The following DMD variants were observed in gnomAD, a reference collection of about 807,000 sequenced individuals.
The protein encoded by DMD is mutant dystrophin.
DMD carries 63 observed loss-of-function variants against 330.1 expected under a neutral mutation model. The ratio of observed to expected loss-of-function variants is 0.19; its 90% CI spans 0.16 to 0.24. The LOEUF (loss-of-function observed/expected upper bound fraction) is 0.24. DMD is among the 10% of genes least tolerant of loss of function. The pLI is 1.00. For missense variants in DMD, 3,344 were observed against 2,684.1 expected, an observed-to-expected ratio of 1.25 and a Z score of -5.43; for synonymous variants, 1,223 against 959.8, an observed-to-expected ratio of 1.27 and a Z score of -5.07.
At chrX:32,289,525 CA>C (rs1317917054) in intron 42 of DMD, among the ~76,000 whole-genome samples, 2 of 110,828 alleles carry the variant, frequency 1.8e-5, no homozygotes, top group Non-Finnish European at 3.8e-5. Flanking sequence ...TTCTTAGTCA[CA>C]GGATGAGATA....
intron 5 of DMD, among the ~76,000 whole-genome samples, chrX:32,819,411 T>G (rs2078035664): frequency 9.0e-6 from 1 of 111,256 alleles, no homozygotes; most frequent in East Asian, 2.8e-4. Context: ...TAGCAAGATT[T>G]GTTATTACAA....
intron 41 of DMD, among the ~76,000 whole-genome samples, chrX:32,335,991 CGTG>C (rs2097711122): frequency 6.4e-5 from 2 of 31,435 alleles, no homozygotes; most frequent in African/African-American, 1.2e-4. Context: ...TTATATATAA[CGTG>C]TATATATAAC....
At chrX:32,777,065 T>TG (rs2148503693) in intron 7 of DMD, among the ~76,000 whole-genome samples, 1 of 108,872 alleles carries the variant, frequency 9.2e-6, no homozygotes, top group African/African-American at 3.4e-5. Context: ...TTTGTCTTTT[T>TG]TTTTTGTTTT....
intron 45 of DMD, among the ~76,000 whole-genome samples, chrX:31,967,381 G>A (rs1415727073): frequency 2.0e-5 from 2 of 99,512 alleles, no homozygotes; most frequent in Non-Finnish European, 4.1e-5. Flanking sequence ...TGTTTATTTT[G>A]TACAAAATAT....
intron 51 of DMD, among the ~76,000 whole-genome samples, chrX:31,732,098 C>T (rs1178580152): frequency 9.0e-6 from 1 of 110,964 alleles, no homozygotes. Context: ...TTGTAAGCAC[C>T]TGAGAAGATT....
intron 1 of DMD, among the ~76,000 whole-genome samples, chrX:33,138,849 T>C (rs774613689): frequency 1.2e-4 from 13 of 111,504 alleles, no homozygotes; most frequent in African/African-American, 3.9e-4. Flanking sequence ...TTCTTTGATG[T>C]TTCGCATATC....
chrX:31,233,599 A>G (rs1474265462), intron 63 of DMD, among the ~76,000 whole-genome samples: 1 of 111,801 alleles, frequency 8.9e-6, no homozygotes, highest in African/African-American at 3.3e-5. Flanking sequence ...CAGTTGAAAA[A>G]TTTGTGGAAA....
At chrX:31,825,002 A>T (rs1439806925) in intron 49 of DMD, among the ~76,000 whole-genome samples, 2 of 111,841 alleles carry the variant, frequency 1.8e-5, no homozygotes, top group African/African-American at 3.2e-5. Context: ...AAAGCAAACA[A>T]AAAATAATGC....
chrX:32,874,038 A>T (rs2083197756), intron 2 of DMD, among the ~76,000 whole-genome samples: 1 of 111,862 alleles, frequency 8.9e-6, no homozygotes, highest in Admixed American at 9.5e-5. Flanking sequence ...TTTCTAACAA[A>T]ACCTCAACTG....
Position 32,061,183 on chromosome X carries a change from G to T in DMD, c.6439-92669C>A, listed in dbSNP as rs151246104. Among the ~76,000 whole-genome samples the T allele has an allele frequency of 2.7e-3, 305 of 110,981 alleles. 7 individuals are homozygous for T. The East Asian group carries it at 0.077, about 28-fold the overall frequency. ...TCTTCAGATCTAAGCAGTTGTTTAT[G>T]GATACCTCAAAATGATTGTAATATT... On this transcript the variant is annotated intron_variant, in intron 44 of 78. Coordinates refer to ENST00000357033, the MANE Select transcript of DMD (RefSeq NM_004006.3).
intron 1 of DMD, among the ~76,000 whole-genome samples, chrX:33,242,232 G>A (rs2052598135): frequency 9.0e-6 from 1 of 111,451 alleles, no homozygotes; most frequent in African/African-American, 3.3e-5. Flanking sequence ...ACACAGCACC[G>A]TATTTGTAGT....
At chrX:32,680,306 G>A (rs1020527730) in intron 9 of DMD, among the ~76,000 whole-genome samples, 7 of 111,107 alleles carry the variant, frequency 6.3e-5, no homozygotes. Context: ...TTAACGTAAC[G>A]TTTAGAAACA....
At chrX:32,730,092 G>A (rs142113224) in intron 7 of DMD, among the ~76,000 whole-genome samples, 123 of 111,997 alleles carry the variant, frequency 1.1e-3, no homozygotes, top group African/African-American at 3.7e-3. Flanking sequence ...CAGCATTTTC[G>A]GAGGCTGAGG....
At chrX:32,078,059 C>T (rs1341550985) in intron 44 of DMD, among the ~76,000 whole-genome samples, 1 of 110,947 alleles carries the variant, frequency 9.0e-6, no homozygotes, top group Non-Finnish European at 1.9e-5. Context: ...ATCTGCCAGC[C>T]CTAAGCTCTT....
chrX:32,043,865 T>C (rs1456632723), intron 44 of DMD, among the ~76,000 whole-genome samples: 1 of 112,181 alleles, frequency 8.9e-6, no homozygotes. Context: ...TTTCTAGAAA[T>C]GTTTCTCAAT....
intron 1 of DMD, among the ~76,000 whole-genome samples, chrX:33,229,250 C>T (rs1449907433): frequency 9.0e-6 from 1 of 110,939 alleles, no homozygotes; most frequent in African/African-American, 3.3e-5. Context: ...ATGGATTGTG[C>T]TATTTGTGTA....
intron 1 of DMD, chrX:33,159,334 A>G (rs1204344265): frequency 1.8e-5 from 2 of 110,916 alleles, no homozygotes; most frequent in African/African-American, 6.6e-5. Context: ...TGTGCAGAAC[A>G]TGCAGGTTTG....
At chrX:31,886,454 G>C (rs1421809387) in intron 47 of DMD, among the ~76,000 whole-genome samples, 1 of 111,415 alleles carries the variant, frequency 9.0e-6, no homozygotes, top group Non-Finnish European at 1.9e-5. Context: ...TCACAAATCA[G>C]TAGAAAAAAA....
At chrX:32,759,066 T>A in intron 7 of DMD, among the ~76,000 whole-genome samples, 1 of 112,357 alleles carries the variant, frequency 8.9e-6, no homozygotes, top group Non-Finnish European at 1.9e-5. Context: ...TCAGCTCAAC[T>A]TCTACTTCTG....
Sources: allele counts gnomAD v4.1 joint callset (sites outside exome capture counted in the v4.1 genomes callset), GRCh38; gene constraint gnomAD v4.1.1; transcripts MANE v1.5; gene names NCBI Gene and HGNC (gene_info 2026-07-23, HGNC 2026-07-21).